The following LARP1 variants were observed in gnomAD, a reference collection of about 807,000 sequenced individuals.
LARP1 encodes the protein La ribonucleoprotein 1, translational regulator.
Under a neutral mutation model 122.7 loss-of-function variants are expected in LARP1, and 36 were observed. That is an observed-to-expected ratio of 0.29 (90% CI 0.22 to 0.39). LARP1 has a LOEUF of 0.39. Ranked by LOEUF, LARP1 falls within the 10% of genes least tolerant of loss-of-function variation. LARP1 has a pLI of 1.00. For missense variants in LARP1, 1,040 were observed against 1,403.6 expected (o/e 0.74, Z 4.14); for synonymous variants, 539 against 528.7 (o/e 1.02, Z -0.27).
At chr5:154,791,220 C>T (rs760585462) in intron 3 of LARP1, among the ~76,000 whole-genome samples, 6 of 148,872 alleles carry the variant, frequency 4.0e-5, no homozygotes, top group Non-Finnish European at 7.5e-5. Context: ...CTGCAACCTC[C>T]GCCTCCCAGG....
At chr5:154,729,315 T>C (rs1756414326) in intron 1 of LARP1, 1 of 192,928 alleles carries the variant, frequency 5.2e-6, no homozygotes, top group South Asian at 1.0e-4. Flanking sequence ...TTTGGCCACA[T>C]ACATGCAAAG....
intron 16 of LARP1, among the ~76,000 whole-genome samples, chr5:154,810,937 G>C (rs1401146011): frequency 6.6e-6 from 1 of 152,156 alleles, no homozygotes; most frequent in Non-Finnish European, 1.5e-5. Flanking sequence ...TTGGCCATAA[G>C]GTGTTTGTCG....
rs1759693563 is a variant in LARP1 at position 154,816,716 on chromosome 5, G to A, written c.*2620G>A. On this transcript the variant is annotated 3_prime_UTR_variant, in exon 19 of 19. Transcript: ENST00000518297. ...ACTTCACACCTACCATCGTCCCATG[G>A]GGATCCAAGACCTGAGATAAAGCAA... The A allele has an allele frequency of 6.6e-6, 1 of 152,484 alleles. No individual in the cohort carries two copies. 9.4% of individuals were successfully genotyped at this position (152,484 alleles called of 1,614,324 possible).
chr5:154,808,379 T>C, intron 15 of LARP1, 80 bp from the exon 16 acceptor site: 1 of 1,528,500 alleles, frequency 6.5e-7, no homozygotes, highest in Non-Finnish European at 8.8e-7. Context: ...GGACCAAGTC[T>C]TAAGTTCCAG....
rs747867427 is a variant in LARP1, at chr5:154,800,028, C to G, written c.1702C>G (p.Pro568Ala). ...IEVKKRPRPS[P>A]ARPKKSEESR... ...AGTGAAGAAGAGGCCTCGGCCATCCCCAGCACGGCCCAAGGTGGGTGAGGC... is the reference window on the plus strand; with the variant it reads ...AGTGAAGAAGAGGCCTCGGCCATCCGCAGCACGGCCCAAGGTGGGTGAGGC... The change falls in exon 10 of 19, where the codon CCA becomes GCA. Residue 568 changes from proline to alanine, a missense_variant. By Grantham distance (27) the Pro-to-Ala change is conservative. This residue lies in a region of LARP1 where 362 missense variants were observed against 533.1 expected (regional missense o/e 0.68). Coordinates refer to ENST00000518297, the MANE Select transcript of LARP1 (RefSeq NM_033551.3). The G allele has an allele frequency of 1.3e-5, 21 of 1,613,472 alleles. No homozygotes were observed. Among genetic ancestry groups the G allele is most frequent in the Non-Finnish European group, 1.8e-5 (21 of 1,179,944 alleles).
At chr5:154,711,649 T>C (rs999166823), upstream of LARP1, among the ~76,000 whole-genome samples, 2 of 152,210 alleles carry the variant, frequency 1.3e-5, no homozygotes, top group African/African-American at 4.8e-5. Context: ...GAGGGAATCT[T>C]GGGCAAGTTG....
chr5:154,737,373 T>C (rs1435972360), intron 1 of LARP1, among the ~76,000 whole-genome samples: 5 of 151,782 alleles, frequency 3.3e-5, no homozygotes, highest in African/African-American at 1.2e-4. Flanking sequence ...CTAGGGGGAA[T>C]GTTTAAAGTA....
intron 1 of LARP1, among the ~76,000 whole-genome samples, chr5:154,716,367 C>T (rs778434099): frequency 3.3e-5 from 5 of 151,198 alleles, no homozygotes; most frequent in African/African-American, 7.3e-5. Context: ...GTGATCTGCC[C>T]GCCTCAGCCT....
chr5:154,691,337 A>G (rs922528020), intron 1 of LARP1, among the ~76,000 whole-genome samples: 1 of 151,046 alleles, frequency 6.6e-6, no homozygotes, highest in Admixed American at 6.6e-5. Context: ...TACCCCTGCC[A>G]CTATCTGACT....
chr5:154,777,189 T>G (rs1755973198), intron 1 of LARP1, among the ~76,000 whole-genome samples: 1 of 152,116 alleles, frequency 6.6e-6, no homozygotes, highest in Admixed American at 6.6e-5. Flanking sequence ...GGTAAGTATT[T>G]GTGTATCTAA....
chr5:154,799,478 C>A, intron 8 of LARP1, 113 bp from the exon 9 acceptor site: 1 of 1,010,938 alleles, frequency 9.9e-7, no homozygotes, highest in Non-Finnish European at 1.5e-6. Context: ...TCTTATATTA[C>A]TGGTAGCATT....
chr5:154,790,679 C>A lies in LARP1; in HGVS notation c.533C>A (p.Thr178Lys), dbSNP rs1288650072. 6.2e-7 allele frequency: 1 copy of A among 1,614,188 alleles called. No individual in the cohort carries two copies. The highest frequency in any genetic ancestry group is 8.5e-7 in the Non-Finnish European group (1 of 1,180,036). ...GDFGDAINWP[T>K]PGEIAHKSVQ... ...TTTGGAGATGCAATCAATTGGCCCACACCTGGAGAGATAGCCCACAAGAGT... is the reference window on the plus strand; with the variant it reads ...TTTGGAGATGCAATCAATTGGCCCAAACCTGGAGAGATAGCCCACAAGAGT... Residue 178 changes from threonine to lysine, a missense_variant, in exon 3 of 19, where the codon ACA becomes AAA. Thr to Lys is a moderately conservative substitution (Grantham distance 78). Around this residue, in one of 8 missense-constraint regions of LARP1, gnomAD observed 257 missense variants for 273.3 expected, o/e 0.94. Transcript: ENST00000518297.
chr5:154,795,116 A>G, intron 7 of LARP1, 59 bp from the exon 8 acceptor site: 3 of 1,533,348 alleles, frequency 2.0e-6, no homozygotes, highest in East Asian at 2.3e-5. Context: ...CAAGGAAGGC[A>G]TACTCATAAA....
intron 1 of LARP1, among the ~76,000 whole-genome samples, chr5:154,717,529 T>C (rs960359425): frequency 6.6e-6 from 1 of 152,192 alleles, no homozygotes; most frequent in African/African-American, 2.4e-5. Flanking sequence ...CTCCAACACA[T>C]CTTGGCTACC....
At chr5:154,768,948 TCTC>T (rs1413325508) in intron 1 of LARP1, among the ~76,000 whole-genome samples, 3 of 152,188 alleles carry the variant, frequency 2.0e-5, no homozygotes, top group South Asian at 2.1e-4. Context: ...TTCAAGCAAT[TCTC>T]CTGTGTCAGC....
upstream of LARP1, among the ~76,000 whole-genome samples, chr5:154,754,352 T>G (rs530671814): frequency 1.3e-5 from 2 of 152,292 alleles, no homozygotes; most frequent in East Asian, 3.9e-4. Context: ...CACTGAAGTT[T>G]GAAACTGCTG....
At chr5:154,685,245 GA>G (rs112022253) in intron 1 of LARP1, among the ~76,000 whole-genome samples, 175 of 136,328 alleles carry the variant, frequency 1.3e-3, no homozygotes, top group Admixed American at 1.5e-3. Context: ...CAACATCTCA[GA>G]AAAAAAAAAA....
At chr5:154,700,727 G>A (rs985923473) in intron 1 of LARP1, among the ~76,000 whole-genome samples, 5 of 151,176 alleles carry the variant, frequency 3.3e-5, no homozygotes, top group African/African-American at 1.2e-4. Flanking sequence ...AGGCTCAAGC[G>A]ATCCTCCCAC....
intron 8 of LARP1, among the ~76,000 whole-genome samples, chr5:154,795,680 A>G (rs984295971): frequency 1.1e-4 from 16 of 151,308 alleles, no homozygotes; most frequent in African/African-American, 3.9e-4. Context: ...ATTTCAGTAT[A>G]GATTTCTAAA....
Sources: gnomAD v4.1 joint callset for allele counts (sites outside exome capture counted in the v4.1 genomes callset) on GRCh38, gnomAD v4.1.1 for gene constraint, gnomAD v4.1.1 regional missense constraint, MANE v1.5 for transcripts, NCBI Gene and HGNC (gene_info 2026-07-23, HGNC 2026-07-21) for gene names.